Variants in STK32B observed in about 807,000 individuals in gnomAD.
STK32B encodes serine/threonine-protein kinase 32B.
In STK32B, 43 loss-of-function variants were observed where a neutral mutation model predicts 52.6. The ratio of observed to expected loss-of-function variants is 0.82; its 90% CI spans 0.64 to 1.05. STK32B has a LOEUF of 1.05. Ranked by LOEUF, STK32B falls within the 50% of genes least tolerant of loss-of-function variation. STK32B has a pLI of 0.00. For missense variants in STK32B, 621 were observed against 534.6 expected, an observed-to-expected ratio of 1.16 and a Z score of -1.59; for synonymous variants, 238 against 204.3, an observed-to-expected ratio of 1.17 and a Z score of -1.41.
At chr4:5,057,973 C>T (rs562269600) in intron 1 of STK32B, among the ~76,000 whole-genome samples, 1 of 152,284 alleles carries the variant, frequency 6.6e-6, no homozygotes, top group African/African-American at 2.4e-5. Context: ...GAGAAAAACA[C>T]ACTCTATTAG....
At chr4:5,432,233 C>G (rs1275925165) in intron 6 of STK32B, 2 of 152,216 alleles carry the variant, frequency 1.3e-5, no homozygotes, top group Non-Finnish European at 2.9e-5. Flanking sequence ...AGCCAGAACT[C>G]TGTGACTTAA....
chr4:5,456,706 A>C (rs1249098874), intron 7 of STK32B, 101 bp from the exon 8 acceptor site: 1 of 1,085,938 alleles, frequency 9.2e-7, no homozygotes, highest in Non-Finnish European at 1.3e-6. Flanking sequence ...TTACTTGAAG[A>C]GGAAGAATAA....
chr4:5,484,414 T>G (rs1718976583), intron 11 of STK32B, among the ~76,000 whole-genome samples: 1 of 152,208 alleles, frequency 6.6e-6, no homozygotes, highest in African/African-American at 2.4e-5. Context: ...TTGCAACCTC[T>G]GCCTTTTTTT....
At chr4:5,047,023 A>G (rs1253101389), upstream of STK32B, among the ~76,000 whole-genome samples, 1 of 152,212 alleles carries the variant, frequency 6.6e-6, no homozygotes, top group Non-Finnish European at 1.5e-5. Context: ...ATTCTACTAT[A>G]AGGACACATG....
intron 5 of STK32B, among the ~76,000 whole-genome samples, chr4:5,405,905 C>T (rs951842280): frequency 6.6e-6 from 1 of 152,126 alleles, no homozygotes; most frequent in African/African-American, 2.4e-5. Flanking sequence ...ATGTTCTTCT[C>T]ACATTTCAAA....
intron 1 of STK32B, among the ~76,000 whole-genome samples, chr4:5,126,471 G>T (rs1040270194): frequency 6.6e-6 from 1 of 152,202 alleles, no homozygotes; most frequent in Non-Finnish European, 1.5e-5. Context: ...GGGTGTCTTC[G>T]CCAGGACAGC....
intron 3 of STK32B, among the ~76,000 whole-genome samples, chr4:5,279,845 G>A (rs922371952): frequency 1.3e-5 from 2 of 152,144 alleles, no homozygotes; most frequent in African/African-American, 4.8e-5. Flanking sequence ...CTGTACCTTT[G>A]CCCCTTTTAG....
chr4:5,496,227 C>T (rs1361937933), intron 11 of STK32B, among the ~76,000 whole-genome samples: 1 of 152,246 alleles, frequency 6.6e-6, no homozygotes, highest in African/African-American at 2.4e-5. Flanking sequence ...GTGGTGGGCT[C>T]CATCCAGTTC....
chr4:5,035,869 C>T, the STK32B span, among the ~76,000 whole-genome samples: 1 of 151,406 alleles, frequency 6.6e-6, no homozygotes, highest in Admixed American at 6.6e-5. Flanking sequence ...GCAACCTCTG[C>T]CTCCCGGGTT....
chr4:5,411,040 T>C (rs1711621032), intron 5 of STK32B, among the ~76,000 whole-genome samples: 3 of 146,810 alleles, frequency 2.0e-5, no homozygotes, highest in African/African-American at 5.0e-5. Flanking sequence ...CCCCATCTCT[T>C]TTTTTTTTTT....
chr4:5,390,685 G>A (rs935106808), intron 4 of STK32B, among the ~76,000 whole-genome samples: 16 of 152,186 alleles, frequency 1.1e-4, no homozygotes, highest in Admixed American at 3.9e-4. Context: ...GGAGGTGCAC[G>A]GGGTCAGAGG....
rs11934815 is a variant in STK32B, at chr4:5,170,992, C to T, written c.260+2542C>T. 4.5e-3 allele frequency among the ~76,000 whole-genome samples: 686 copies of T among 152,260 alleles called. 1 individual carries two copies. The highest frequency in any genetic ancestry group is 6.0e-3 in the Non-Finnish European group (407 of 68,012). ...TGTTGTTTCCTGACTTTTTAATGAT[C>T]TCCATTCTAACTGGTGTGAGATGGT... On this transcript the variant is annotated intron_variant, in intron 3 of 11. Coordinates refer to ENST00000282908, the MANE Select transcript of STK32B (RefSeq NM_018401.3).
At chr4:5,240,247 A>G (rs1229873353) in intron 3 of STK32B, among the ~76,000 whole-genome samples, 1 of 151,596 alleles carries the variant, frequency 6.6e-6, no homozygotes, top group Non-Finnish European at 1.5e-5. Context: ...CTCCTACCAC[A>G]CATGTTAAAC....
chr4:5,317,513 A>ATG (rs1731172028), intron 3 of STK32B, among the ~76,000 whole-genome samples: 1 of 85,308 alleles, frequency 1.2e-5, no homozygotes, highest in Non-Finnish European at 2.0e-5. Context: ...TATATGTATA[A>ATG]TATATTTATT....
rs370715637 is a variant in STK32B, at chr4:5,335,347, A to G, written c.434+3954A>G. Among the ~76,000 whole-genome samples the G allele has an allele frequency of 8.2e-4, 125 of 151,774 alleles. 2 individuals carry two copies. Among genetic ancestry groups the G allele is most frequent in the Non-Finnish European group, 6.8e-4 (46 of 67,916 alleles). On this transcript the variant is annotated intron_variant, in intron 4 of 11. Transcript: ENST00000282908. ...TATCCCCTTTATCATTTTTTATTGC[A>G]TCTATTTGATTCTTCTCTCTTTTTT...
chr4:5,334,814 C>T (rs1732524791), intron 4 of STK32B, among the ~76,000 whole-genome samples: 2 of 151,950 alleles, frequency 1.3e-5, no homozygotes, highest in South Asian at 4.2e-4. Context: ...GCCTTGCATC[C>T]TGGGGATGAA....
chr4:5,287,783 C>A (rs934528457), intron 3 of STK32B, among the ~76,000 whole-genome samples: 1 of 152,000 alleles, frequency 6.6e-6, no homozygotes, highest in South Asian at 2.1e-4. Flanking sequence ...AATTCACATG[C>A]CATAAAATTC....
At chr4:5,158,240 C>A (rs1353861454) in intron 2 of STK32B, among the ~76,000 whole-genome samples, 3 of 152,136 alleles carry the variant, frequency 2.0e-5, no homozygotes, top group Non-Finnish European at 4.4e-5. Context: ...GCCCTTTGCC[C>A]TTCTACAGAG....
intron 1 of STK32B, among the ~76,000 whole-genome samples, chr4:5,128,336 C>T (rs1043111332): frequency 1.3e-5 from 2 of 152,190 alleles, no homozygotes; most frequent in Non-Finnish European, 2.9e-5. Flanking sequence ...TGTTTGCTTT[C>T]GAGGAATCGA....
Sources: allele counts gnomAD v4.1 joint callset (sites outside exome capture counted in the v4.1 genomes callset), GRCh38; gene constraint gnomAD v4.1.1; transcripts MANE v1.5; gene names NCBI Gene and HGNC (gene_info 2026-07-23, HGNC 2026-07-21).